The following HECW1 variants were observed in gnomAD, a reference collection of about 807,000 sequenced individuals.
The protein encoded by HECW1 is HECT, C2 and WW domain containing E3 ubiquitin protein ligase 1.
Under a neutral mutation model 182.3 loss-of-function variants are expected in HECW1, and 61 were observed. The observed-to-expected ratio is 0.33, with a 90% CI of 0.27 to 0.41. The LOEUF (loss-of-function observed/expected upper bound fraction) is 0.41, where lower values mean the gene tolerates loss of function less well. HECW1 is among the 10% of genes least tolerant of loss of function. The pLI, the probability that HECW1 is intolerant of heterozygous loss-of-function variation, is 1.00. For synonymous variants in HECW1, 859 were observed against 832.6 expected, an observed-to-expected ratio of 1.03 and a Z score of -0.55; for missense variants, 1,739 against 2,108.9, an observed-to-expected ratio of 0.82 and a Z score of 3.44.
At chr7:43,155,980 A>G (rs1474135987) in intron 2 of HECW1, among the ~76,000 whole-genome samples, 2 of 152,228 alleles carry the variant, frequency 1.3e-5, no homozygotes, top group African/African-American at 4.8e-5. Flanking sequence ...GTTCGTTTAA[A>G]ACAGTAAATC....
intron 2 of HECW1, among the ~76,000 whole-genome samples, chr7:43,190,490 T>C (rs1793812881): frequency 6.6e-6 from 1 of 152,182 alleles, no homozygotes; most frequent in African/African-American, 2.4e-5. Context: ...CCTGATAAGC[T>C]TGAGGGATTT....
At chr7:43,303,788 T>C (rs1360237885) in intron 3 of HECW1, among the ~76,000 whole-genome samples, 2 of 151,954 alleles carry the variant, frequency 1.3e-5, no homozygotes, top group East Asian at 3.9e-4. Context: ...GATGGTGGTT[T>C]AGCAGCCACC....
intron 7 of HECW1, among the ~76,000 whole-genome samples, chr7:43,399,172 G>A (rs1282898494): frequency 6.6e-6 from 1 of 152,200 alleles, no homozygotes; most frequent in Non-Finnish European, 1.5e-5. Context: ...CAAGAAGGGG[G>A]TTTGTTTCAG....
chr7:43,398,083 C>G (rs2075289150), intron 7 of HECW1, among the ~76,000 whole-genome samples: 1 of 152,052 alleles, frequency 6.6e-6, no homozygotes, highest in African/African-American at 2.4e-5. Flanking sequence ...TTGGCAAAAC[C>G]TCATCTCTGC....
At chr7:43,274,253 CT>C in intron 3 of HECW1, 1 of 840,234 alleles carries the variant, frequency 1.2e-6, no homozygotes, top group Non-Finnish European at 1.8e-6. Context: ...GCATGCGAAT[CT>C]TTGCGCCTAA....
At chr7:43,456,193 C>G in intron 12 of HECW1, 104 bp from the exon 13 acceptor site, 1 of 1,201,114 alleles carries the variant, frequency 8.3e-7, no homozygotes, top group South Asian at 1.5e-5. Context: ...CAGCCATGAA[C>G]CAATGGTGAG....
chr7:43,438,555 G>A (rs893958511), intron 9 of HECW1: 5 of 153,340 alleles, frequency 3.3e-5, no homozygotes, highest in Non-Finnish European at 5.8e-5. Context: ...TGGAATACTG[G>A]GTAACTACTG....
intron 5 of HECW1, among the ~76,000 whole-genome samples, chr7:43,349,317 A>G (rs1814097698): frequency 6.6e-6 from 1 of 152,172 alleles, no homozygotes; most frequent in Non-Finnish European, 1.5e-5. Context: ...TACAAGTGTG[A>G]GCCACTGCAC....
intron 2 of HECW1, among the ~76,000 whole-genome samples, chr7:43,180,162 C>G (rs942303201): frequency 1.3e-5 from 2 of 152,214 alleles, no homozygotes; most frequent in Non-Finnish European, 2.9e-5. Context: ...GGGGACATCA[C>G]CAACTTATAG....
intron 2 of HECW1, among the ~76,000 whole-genome samples, chr7:43,159,533 A>G (rs2152655065): frequency 6.6e-6 from 1 of 152,338 alleles, no homozygotes; most frequent in South Asian, 2.1e-4. Context: ...ACTTGGGCAC[A>G]GGTATATGCA....
intron 5 of HECW1, among the ~76,000 whole-genome samples, chr7:43,327,918 G>A (rs1032623610): frequency 1.3e-5 from 2 of 151,466 alleles, no homozygotes; most frequent in African/African-American, 4.9e-5. Flanking sequence ...GAGAAGTACA[G>A]GAAAGATAAG....
chr7:43,374,761 T>C (rs866331439), intron 6 of HECW1, among the ~76,000 whole-genome samples: 2 of 31,448 alleles, frequency 6.4e-5, no homozygotes, highest in Admixed American at 9.0e-4. Flanking sequence ...GCGACAGAGC[T>C]AGACTCCGTC....
At chr7:43,136,494 G>A (rs2152627428) in intron 2 of HECW1, among the ~76,000 whole-genome samples, 1 of 152,308 alleles carries the variant, frequency 6.6e-6, no homozygotes, top group East Asian at 1.9e-4. Context: ...TCTCCCAGAA[G>A]TTGTAGAAAG....
At chr7:43,376,738 C>G (rs1306270930) in intron 6 of HECW1, among the ~76,000 whole-genome samples, 2 of 151,890 alleles carry the variant, frequency 1.3e-5, no homozygotes, top group South Asian at 4.2e-4. Context: ...TGGTGGCAGG[C>G]GTCTGTAATC....
At chr7:43,171,016 G>A (rs929011639) in intron 2 of HECW1, among the ~76,000 whole-genome samples, 3 of 152,158 alleles carry the variant, frequency 2.0e-5, no homozygotes, top group African/African-American at 4.8e-5. Flanking sequence ...TCGCATTTTC[G>A]CTTCCTTACA....
intron 14 of HECW1, among the ~76,000 whole-genome samples, chr7:43,465,724 G>A (rs1259663706): frequency 1.3e-5 from 2 of 152,028 alleles, no homozygotes; most frequent in Non-Finnish European, 2.9e-5. Context: ...AGCAACTTGT[G>A]AAGGAAATAA....
intron 3 of HECW1, among the ~76,000 whole-genome samples, chr7:43,307,889 TATATATAC>T (rs199977433): frequency 0.02 from 1,964 of 99,572 alleles, 55 homozygotes; most frequent in African/African-American, 0.054. Context: ...TATATATATA[TATATATAC>T]ACATATATAT....
At chr7:43,264,603 T>C (rs1467934359) in intron 3 of HECW1, among the ~76,000 whole-genome samples, 3 of 152,130 alleles carry the variant, frequency 2.0e-5, no homozygotes, top group Non-Finnish European at 1.5e-5. Context: ...CTCAGCACTT[T>C]GGGAGGCCAA....
chr7:43,165,727 A>G (rs1393042689), intron 2 of HECW1, among the ~76,000 whole-genome samples: 2 of 152,160 alleles, frequency 1.3e-5, no homozygotes, highest in African/African-American at 4.8e-5. Flanking sequence ...TCATGCCAGC[A>G]GTTGTGAAAA....
Sources: allele counts gnomAD v4.1 joint callset (sites outside exome capture counted in the v4.1 genomes callset), GRCh38; gene constraint gnomAD v4.1.1; transcripts MANE v1.5; gene names NCBI Gene and HGNC (gene_info 2026-07-23, HGNC 2026-07-21).